CAMTA1: variants seen among roughly 807,000 people sequenced by gnomAD.
CAMTA1 encodes calmodulin binding transcription activator 1, also known as calmodulin-binding transcription activator 1.
Under a neutral mutation model 170.9 loss-of-function variants are expected in CAMTA1, and 27 were observed. The observed-to-expected ratio is 0.16, with a 90% CI of 0.12 to 0.22. The LOEUF (loss-of-function observed/expected upper bound fraction) is 0.22. Among genes scored for constraint, CAMTA1 ranks in the 10% least tolerant of loss-of-function variants. The probability of loss-of-function intolerance (pLI) is 1.00; values close to 1 mark genes in which losing one functional copy is unlikely to be tolerated. For synonymous variants in CAMTA1, 833 were observed against 891.5 expected, an observed-to-expected ratio of 0.93 and a Z score of 1.17; for missense variants, 1,619 against 2,217.2, an observed-to-expected ratio of 0.73 and a Z score of 5.42.
chr1:7,521,543 A>C (rs1475460927), intron 6 of CAMTA1, among the ~76,000 whole-genome samples: 1 of 149,840 alleles, frequency 6.7e-6, no homozygotes, highest in Non-Finnish European at 1.5e-5. Flanking sequence ...TTGCATGTCC[A>C]CAGTTCCTTT....
chr1:7,514,835 C>T (rs1043300803), intron 6 of CAMTA1, among the ~76,000 whole-genome samples: 3 of 152,176 alleles, frequency 2.0e-5, no homozygotes, highest in Admixed American at 2.0e-4. Flanking sequence ...GAGGCCCGCC[C>T]CCCACCACCC....
chr1:7,087,754 C>T (rs1431644304), intron 3 of CAMTA1, among the ~76,000 whole-genome samples: 1 of 152,176 alleles, frequency 6.6e-6, no homozygotes, highest in Non-Finnish European at 1.5e-5. Flanking sequence ...GAGATGGTCC[C>T]ACATAAGTCC....
At chr1:7,384,840 G>T (rs80070816) in intron 5 of CAMTA1, among the ~76,000 whole-genome samples, 3,469 of 152,146 alleles carry the variant, frequency 0.023, 115 homozygotes, top group African/African-American at 0.079. Flanking sequence ...AGACTCCGGG[G>T]ACATGTCCAA....
intron 3 of CAMTA1, among the ~76,000 whole-genome samples, chr1:6,870,264 A>G (rs1312946098): frequency 1.3e-5 from 2 of 152,294 alleles, no homozygotes; most frequent in African/African-American, 4.8e-5. Context: ...CCTCCGAGCA[A>G]CAAACACATA....
intron 4 of CAMTA1, among the ~76,000 whole-genome samples, chr1:7,176,643 T>A (rs1650897259): frequency 6.6e-6 from 1 of 152,242 alleles, no homozygotes; most frequent in South Asian, 2.1e-4. Flanking sequence ...AGACAGATGC[T>A]GAGGGCATAG....
rs1433593476 is a variant in CAMTA1, at chr1:7,435,599, G to A, written c.439-32231G>A. Among the ~76,000 whole-genome samples the A allele has an allele frequency of 6.6e-6, 1 of 152,192 alleles. No homozygotes were observed. Among genetic ancestry groups the A allele is most frequent in the Non-Finnish European group, 1.5e-5 (1 of 68,028 alleles). On this transcript the variant is annotated intron_variant, in intron 5 of 22. Transcript: ENST00000303635. This position sits in a 1 kb window ranked among gnomAD's most constrained non-coding sequence, Gnocchi z 4.4. Reference sequence around the variant, plus strand: ...GCAGTGGAGCGCAGTCCCCATGCTTGGGGAAAGTCCCCCAGCTTTGGCGGA... The same window carrying A: ...GCAGTGGAGCGCAGTCCCCATGCTTAGGGAAAGTCCCCCAGCTTTGGCGGA...
chr1:7,254,545 T>C (rs1667084160), intron 5 of CAMTA1, among the ~76,000 whole-genome samples: 1 of 152,238 alleles, frequency 6.6e-6, no homozygotes, highest in Non-Finnish European at 1.5e-5. Flanking sequence ...CTTTGACTTC[T>C]TAACTGCCTT....
In CAMTA1 at chr1:7,463,429, G is replaced by A. The variant is rs200069751; in HGVS notation, c.439-4401G>A. Reference sequence around the variant, plus strand: ...CGGAGAGAGAAATAAAGACAGACGGGGAGAGACAGATGGGGGAAATGGGAG... The same window carrying A: ...CGGAGAGAGAAATAAAGACAGACGGAGAGAGACAGATGGGGGAAATGGGAG... On this transcript the variant is annotated intron_variant, in intron 5 of 22. Transcript: ENST00000303635. The surrounding 1 kb of genome is among the most constrained non-coding windows in gnomAD (Gnocchi z 4.7). Among the ~76,000 whole-genome samples, 2 of 151,668 alleles carry A rather than the reference G, an allele frequency of 1.3e-5. No individual in the cohort carries two copies. The highest frequency in any genetic ancestry group is 4.9e-5 in the African/African-American group (2 of 41,236).
At position 7,440,709 on chromosome 1, in the gene CAMTA1, G is replaced by C. The variant is rs573545645; in HGVS notation, c.439-27121G>C. 2.0e-5 allele frequency among the ~76,000 whole-genome samples: 3 copies of C among 152,262 alleles called. No individual in the cohort carries two copies. The South Asian group carries it at 6.2e-4, about 32-fold the overall frequency. On this transcript the variant is annotated intron_variant, in intron 5 of 22. Transcript: ENST00000303635. ...TGGTCCTGCCTGCTTGGAGCCTGTG[G>C]GCCGAGAAAGACAGGGGCAGAGGCA...
At chr1:6,898,058 T>C (rs1676043655) in intron 3 of CAMTA1, among the ~76,000 whole-genome samples, 2 of 152,240 alleles carry the variant, frequency 1.3e-5, no homozygotes, top group African/African-American at 4.8e-5. Context: ...AAAGTTGAGA[T>C]TCCAGTTCAT....
At chr1:7,492,630 CACACAAACACATACAATCACACAA>C (rs1303859645) in intron 6 of CAMTA1, among the ~76,000 whole-genome samples, 11 of 150,308 alleles carry the variant, frequency 7.3e-5, no homozygotes, top group Non-Finnish European at 1.3e-4. Flanking sequence ...CATACACGCG[CACACAAACACATACAATCACACAA>C]ACACAAACAT....
At chr1:7,270,289 A>ATTTTTTTTT (rs1395986038) in intron 5 of CAMTA1, among the ~76,000 whole-genome samples, 5 of 112,776 alleles carry the variant, frequency 4.4e-5, no homozygotes, top group African/African-American at 1.8e-4. Context: ...ATATATATAT[A>ATTTTTTTTT]TATTTTTTTT....
chr1:7,237,531 G>C (rs75104902), intron 4 of CAMTA1, among the ~76,000 whole-genome samples: 6 of 152,164 alleles, frequency 3.9e-5, no homozygotes, highest in Non-Finnish European at 5.9e-5. Flanking sequence ...AAAGCAAGAC[G>C]CTGGAAAGAG....
In CAMTA1 at chr1:7,680,254, C is replaced by A; in HGVS notation, c.2914+2521C>A. On this transcript the variant is annotated intron_variant, in intron 11 of 22. Transcript: ENST00000303635. This position sits in a 1 kb window ranked among gnomAD's most constrained non-coding sequence, Gnocchi z 4.4. Reference sequence around the variant, plus strand: ...TCCCCGCCTGTCCCTCCCGGCCCCTCCCCTCGGTCTCCGCAGCTTCTCGGC... The same window carrying A: ...TCCCCGCCTGTCCCTCCCGGCCCCTACCCTCGGTCTCCGCAGCTTCTCGGC... The A allele has an allele frequency of 4.3e-6, 1 of 234,692 alleles. No individual in the cohort carries two copies. The highest frequency in any genetic ancestry group is 9.2e-6 in the Non-Finnish European group (1 of 109,088). 14.5% of individuals were successfully genotyped at this position (234,692 alleles called of 1,614,324 possible). A position where few individuals can be genotyped will look rare whatever the true frequency, so the allele number is the denominator to read the frequency against.
chr1:6,894,654 T>C (rs1271414424), intron 3 of CAMTA1, among the ~76,000 whole-genome samples: 1 of 152,256 alleles, frequency 6.6e-6, no homozygotes, highest in Non-Finnish European at 1.5e-5. Context: ...TAATAGAAAG[T>C]AAACGTTTGA....
chr1:7,477,795 A>G (rs1415122723), intron 6 of CAMTA1, among the ~76,000 whole-genome samples: 6 of 152,142 alleles, frequency 3.9e-5, no homozygotes, highest in Non-Finnish European at 7.3e-5. Flanking sequence ...GCGGCGGCCA[A>G]CGTCTGCTAT....
At chr1:6,806,398 A>C (rs1211315765) in intron 1 of CAMTA1, among the ~76,000 whole-genome samples, 2 of 152,312 alleles carry the variant, frequency 1.3e-5, no homozygotes, top group East Asian at 3.9e-4. Flanking sequence ...TCCACAGAAG[A>C]GACAACTGAG....
At chr1:7,075,675 T>A (rs1013961643) in intron 3 of CAMTA1, among the ~76,000 whole-genome samples, 1 of 151,860 alleles carries the variant, frequency 6.6e-6, no homozygotes, top group Non-Finnish European at 1.5e-5. Flanking sequence ...TTTTTTTTTT[T>A]TTTTTGAGAC....
At chr1:7,395,800 A>G (rs1162663720) in intron 5 of CAMTA1, among the ~76,000 whole-genome samples, 1 of 152,138 alleles carries the variant, frequency 6.6e-6, no homozygotes, top group Non-Finnish European at 1.5e-5. Flanking sequence ...CTCTTTGCTT[A>G]AATTTATTAC....
Sources: gnomAD v4.1 joint callset for allele counts (sites outside exome capture counted in the v4.1 genomes callset) on GRCh38, gnomAD v4.1.1 for gene constraint, Gnocchi (gnomAD v3.1) non-coding constraint, MANE v1.5 for transcripts, NCBI Gene and HGNC (gene_info 2026-07-23, HGNC 2026-07-21) for gene names.